PSMG4: variants seen among roughly 807,000 people sequenced by gnomAD.
PSMG4 encodes proteasome (prosome, macropain) assembly chaperone 4.
Under a neutral mutation model 11.0 loss-of-function variants are expected in PSMG4, and 10 were observed. The ratio of observed to expected loss-of-function variants is 0.91; its 90% CI spans 0.56 to 1.54. PSMG4 has a LOEUF of 1.54. PSMG4 is among the 40% of genes most tolerant of loss of function. The pLI, the probability that PSMG4 is intolerant of heterozygous loss-of-function variation, is 0.00. For missense variants in PSMG4, 198 were observed against 160.9 expected (o/e 1.23, Z -1.25); for synonymous variants, 95 against 71.3 (o/e 1.33, Z -1.68).
chr6:3,259,472 G>A (rs557875544), intron 1 of PSMG4, among the ~76,000 whole-genome samples: 2 of 152,352 alleles, frequency 1.3e-5, no homozygotes, highest in East Asian at 3.9e-4. Context: ...GTCTGTCCTC[G>A]CCACACGCTC....
chr6:3,262,277 A>C (rs151087979), intron 1 of PSMG4, among the ~76,000 whole-genome samples: 1 of 152,162 alleles, frequency 6.6e-6, no homozygotes, highest in Admixed American at 6.5e-5. Context: ...GTAATGAACT[A>C]TTAAGGGTGA....
intron 1 of PSMG4, among the ~76,000 whole-genome samples, chr6:3,259,477 A>G (rs1757890373): frequency 6.6e-6 from 1 of 152,180 alleles, no homozygotes; most frequent in Non-Finnish European, 1.5e-5. Context: ...TCCTCGCCAC[A>G]CGCTCGCTGG....
rs1285350117 is a variant in PSMG4, at chr6:3,267,749, C to T, written c.*37C>T. The T allele has an allele frequency of 3.2e-6, 5 of 1,543,172 alleles. No individual in the cohort carries two copies. The highest frequency in any genetic ancestry group is 4.0e-5 in the Admixed American group (2 of 50,456). The stretch of plus-strand genomic sequence containing the variant: ...AAGTGAGAATTTGTAAACTTATGTA[C>T]AATGTACGTGTAAATAAATGGATTG... On this transcript the variant is annotated 3_prime_UTR_variant, in exon 3 of 3. Coordinates refer to ENST00000438998, the MANE Select transcript of PSMG4 (RefSeq NM_001128591.2).
upstream of PSMG4, among the ~76,000 whole-genome samples, chr6:3,256,701 G>A (rs1757778869): frequency 1.3e-5 from 2 of 152,176 alleles, no homozygotes; most frequent in Non-Finnish European, 2.9e-5. Context: ...AGGCAGGGTG[G>A]GCTGACTCCC....
rs1247035487 is a variant in PSMG4 at position 3,259,228 on chromosome 6, C to CT, written c.174+32_174+33insT. On this transcript the variant is annotated intron_variant, in intron 1 of 2. Transcript: ENST00000438998. The stretch of plus-strand genomic sequence containing the variant: ...GCCTGGCGGCCGAGGGTGCGGGCGG[C>CT]GGGGCGGGGGCGCGGGGGCGCCGGG... The CT allele has an allele frequency of 1.6e-4, 173 of 1,101,898 alleles. 2 individuals are homozygous for CT. In the South Asian group the frequency reaches 1.9e-3, roughly 12 times the overall value. 68.3% of individuals were successfully genotyped at this position (1,101,898 alleles called of 1,614,324 possible). A position where few individuals can be genotyped will look rare whatever the true frequency, so the allele number is the denominator to read the frequency against.
At chr6:3,255,370 GGAT>G (rs1275994453), upstream of PSMG4, 20 of 1,425,794 alleles carry the variant, frequency 1.4e-5, no homozygotes, top group Admixed American at 1.3e-4. Context: ...TTCCTGTGGT[GGAT>G]GATGTTTGTT....
upstream of PSMG4, chr6:3,255,144 T>G (rs1339330283): frequency 3.2e-6 from 5 of 1,550,888 alleles, no homozygotes; most frequent in Non-Finnish European, 4.4e-6. Context: ...TCATTCTCTT[T>G]GAGGAGCAGG....
rs573741906 is a variant in PSMG4, at chr6:3,263,604, A to G, written c.175-80A>G. On this transcript the variant is annotated intron_variant, in intron 1 of 2. Transcript: ENST00000438998. ...CCTGCCACTGCCATCGTCGTGAAGAATCAGAAGCCCGGAAGCCAGAAGTGT... is the reference window on the plus strand; with the variant it reads ...CCTGCCACTGCCATCGTCGTGAAGAGTCAGAAGCCCGGAAGCCAGAAGTGT... 40 of 1,248,504 alleles carry G rather than the reference A, an allele frequency of 3.2e-5. No individual in the cohort carries two copies. The African/African-American group carries it at 6.1e-4, about 19-fold the overall frequency. The allele number at this position is 1,248,504 out of a possible 1,614,324, so 77.3% of individuals were successfully genotyped here. A position where few individuals can be genotyped will look rare whatever the true frequency, so the allele number is the denominator to read the frequency against.
chr6:3,257,493 T>C (rs1393046713), upstream of PSMG4, among the ~76,000 whole-genome samples: 5 of 152,168 alleles, frequency 3.3e-5, no homozygotes, highest in East Asian at 1.9e-4. Context: ...CCTAGCTGAT[T>C]GAAGGGCCTC....
chr6:3,256,288 C>G (rs1022954315), upstream of PSMG4, among the ~76,000 whole-genome samples: 1 of 152,174 alleles, frequency 6.6e-6, no homozygotes, highest in Admixed American at 6.5e-5. Context: ...TATATATATC[C>G]CAGTTATACA....
intron 1 of PSMG4, among the ~76,000 whole-genome samples, chr6:3,262,520 A>G (rs183292813): frequency 6.6e-4 from 100 of 152,136 alleles, no homozygotes; most frequent in African/African-American, 2.3e-3. Context: ...CCTGCCTTTT[A>G]TTGTCTTTTG....
chr6:3,258,988 G>A lies in PSMG4; in HGVS notation c.-35G>A. The A allele has an allele frequency of 1.6e-6, 2 of 1,239,816 alleles. No homozygotes were observed. The highest frequency in any genetic ancestry group is 3.8e-5 in the South Asian group (1 of 26,296). 76.8% of individuals were successfully genotyped at this position (1,239,816 alleles called of 1,614,324 possible). Reference sequence around the variant, plus strand: ...CGGGGCTGGCAGCGGCGAGGACCCGGGTCTGGCGCTGTGGGCCGGGAGCCG... The same window carrying A: ...CGGGGCTGGCAGCGGCGAGGACCCGAGTCTGGCGCTGTGGGCCGGGAGCCG... On this transcript the variant is annotated 5_prime_UTR_variant, in exon 1 of 3. Coordinates refer to ENST00000438998, the MANE Select transcript of PSMG4 (RefSeq NM_001128591.2).
chr6:3,267,459 G>A, intron 2 of PSMG4, 132 bp from the exon 3 acceptor site: 1 of 1,000,742 alleles, frequency 1.0e-6, no homozygotes, highest in Non-Finnish European at 1.4e-6. Flanking sequence ...GAGAGGCATG[G>A]AGATTAGAGC....
intron 1 of PSMG4, among the ~76,000 whole-genome samples, chr6:3,261,864 A>G (rs1758003410): frequency 6.6e-6 from 1 of 152,152 alleles, no homozygotes; most frequent in Non-Finnish European, 1.5e-5. Context: ...AGCAGTTGTA[A>G]TAGAGACTTT....
In PSMG4 at chr6:3,258,998, T is replaced by C; in HGVS notation, c.-25T>C. The C allele has an allele frequency of 8.1e-7, 1 of 1,240,208 alleles. No individual in the cohort carries two copies. The allele number at this position is 1,240,208 out of a possible 1,614,324, so 76.8% of individuals were successfully genotyped here. A position where few individuals can be genotyped will look rare whatever the true frequency, so the allele number is the denominator to read the frequency against. On this transcript the variant is annotated 5_prime_UTR_variant, in exon 1 of 3. Coordinates refer to ENST00000438998, the MANE Select transcript of PSMG4 (RefSeq NM_001128591.2). Reference sequence around the variant, plus strand: ...AGCGGCGAGGACCCGGGTCTGGCGCTGTGGGCCGGGAGCCGTGGGGCGGCA... The same window carrying C: ...AGCGGCGAGGACCCGGGTCTGGCGCCGTGGGCCGGGAGCCGTGGGGCGGCA...
Position 3,267,702 on chromosome 6 carries a change from A to G in PSMG4, c.362A>G (p.Glu121Gly). ...RIKEEMEAFPEKF is the reference protein window; with the variant it reads ...RIKEEMEAFPGKF ...AAGGAAGAGATGGAGGCTTTCCCCG[A>G]AAAGTTCTAGCTGAGTGGCAGAAGT... Residue 121 changes from glutamate (E) to glycine (G), a missense_variant, in exon 3 of 3, where the codon GAA becomes GGA. Coordinates refer to ENST00000438998, the MANE Select transcript of PSMG4 (RefSeq NM_001128591.2). 6.4e-7 allele frequency: 1 copy of G among 1,552,200 alleles called. No homozygotes were observed. Among genetic ancestry groups the G allele is most frequent in the Non-Finnish European group, 8.7e-7 (1 of 1,147,006 alleles).
In PSMG4 at chr6:3,264,274, G is replaced by A. The variant is rs1581556214; in HGVS notation, c.250+515G>A. Reference sequence around the variant, plus strand: ...AGAGTGGGGATTAAGCAAAGGTCATGAGGCTGAATGCTCCACTCTTCCCAC... The same window carrying A: ...AGAGTGGGGATTAAGCAAAGGTCATAAGGCTGAATGCTCCACTCTTCCCAC... On this transcript the variant is annotated intron_variant, in intron 2 of 2. Transcript: ENST00000438998. The A allele has an allele frequency of 4.5e-6, 7 of 1,551,462 alleles. No individual in the cohort carries two copies. In the East Asian group the frequency reaches 1.7e-4, roughly 38 times the overall value.
At chr6:3,264,026 T>C (rs1758092014) in intron 2 of PSMG4, 23 of 1,351,766 alleles carry the variant, frequency 1.7e-5, no homozygotes, top group Non-Finnish European at 2.0e-5. Context: ...CATGAGCTGA[T>C]TTAGTTGCCT....
upstream of PSMG4, chr6:3,255,088 AGTT>A (rs1757709995): frequency 1.3e-6 from 2 of 1,550,896 alleles, no homozygotes; most frequent in Non-Finnish European, 1.7e-6. Context: ...ATTCCTAAGA[AGTT>A]GGCTGCATAG....
Sources: gnomAD v4.1 joint callset for allele counts (sites outside exome capture counted in the v4.1 genomes callset) on GRCh38, gnomAD v4.1.1 for gene constraint, MANE v1.5 for transcripts, NCBI Gene and HGNC (gene_info 2026-07-23, HGNC 2026-07-21) for gene names.